Variants in PARD3B observed in about 807,000 individuals in gnomAD.
PARD3B encodes the protein partitioning defective 3 homolog B.
A neutral mutation model predicts 130.2 loss-of-function variants in PARD3B; 103 were observed. The observed-to-expected ratio is 0.79, with a 90% CI of 0.67 to 0.93. The LOEUF is 0.93. PARD3B is among the 40% of genes least tolerant of loss of function. The probability of loss-of-function intolerance (pLI) is 0.00; values close to 1 mark genes in which losing one functional copy is unlikely to be tolerated. For synonymous variants in PARD3B, 583 were observed against 553.2 expected, an observed-to-expected ratio of 1.05 and a Z score of -0.76; for missense variants, 1,609 against 1,499.2, an observed-to-expected ratio of 1.07 and a Z score of -1.21.
At chr2:204,909,779 GA>G (rs1303124193) in intron 2 of PARD3B, among the ~76,000 whole-genome samples, 1 of 152,126 alleles carries the variant, frequency 6.6e-6, no homozygotes, top group East Asian at 1.9e-4. Context: ...ATGGGTGATT[GA>G]CTTTTGAAAT....
At chr2:204,658,741 T>C (rs1003032865) in intron 1 of PARD3B, among the ~76,000 whole-genome samples, 1 of 152,316 alleles carries the variant, frequency 6.6e-6, no homozygotes. Context: ...TTCATTTCTA[T>C]TGTGTCAGCT....
chr2:204,795,049 A>G (rs1391275687), intron 2 of PARD3B, among the ~76,000 whole-genome samples: 1 of 152,262 alleles, frequency 6.6e-6, no homozygotes. Context: ...GAAAGTAGAT[A>G]GAAATATTCA....
chr2:205,207,644 T>C (rs959702865), intron 15 of PARD3B, among the ~76,000 whole-genome samples: 2 of 143,436 alleles, frequency 1.4e-5, no homozygotes, highest in Non-Finnish European at 3.0e-5. Context: ...CCTCGACACA[T>C]ACAATCTCCC....
chr2:204,814,049 G>T (rs2125529772), intron 2 of PARD3B, among the ~76,000 whole-genome samples: 1 of 152,098 alleles, frequency 6.6e-6, no homozygotes, highest in East Asian at 1.9e-4. Context: ...TCCAATTTAG[G>T]GAGAACTTGC....
At chr2:205,088,966 T>G (rs1701921773) in intron 4 of PARD3B, among the ~76,000 whole-genome samples, 1 of 149,828 alleles carries the variant, frequency 6.7e-6, no homozygotes, top group Non-Finnish European at 1.5e-5. Context: ...ACCCAGCTAA[T>G]TTGTTTTTGT....
intron 13 of PARD3B, among the ~76,000 whole-genome samples, chr2:205,185,241 A>G (rs896121466): frequency 3.3e-5 from 5 of 150,952 alleles, no homozygotes; most frequent in African/African-American, 1.2e-4. Flanking sequence ...AGATAGAAAA[A>G]AAGAGCGCAC....
chr2:205,541,273 T>G (rs1417110495), intron 21 of PARD3B, among the ~76,000 whole-genome samples: 1 of 152,124 alleles, frequency 6.6e-6, no homozygotes, highest in Non-Finnish European at 1.5e-5. Context: ...TGGGTTTTTT[T>G]CTCTTTCCCT....
chr2:205,505,355 C>T (rs548170966), intron 21 of PARD3B, among the ~76,000 whole-genome samples: 13 of 151,622 alleles, frequency 8.6e-5, no homozygotes, highest in Admixed American at 4.0e-4. Flanking sequence ...CAAACCTGCA[C>T]GCTGTGCACG....
rs190826377 is a variant in PARD3B at position 204,559,758 on chromosome 2, A to G, written c.120+13639A>G. Among the ~76,000 whole-genome samples the G allele has an allele frequency of 8.6e-3, 1,310 of 152,330 alleles. 22 individuals carry two copies. Among genetic ancestry groups the G allele is most frequent in the African/African-American group, 0.03 (1,247 of 41,574 alleles). On this transcript the variant is annotated intron_variant, in intron 1 of 22. Coordinates refer to ENST00000406610, the MANE Select transcript of PARD3B (RefSeq NM_001302769.2). ...GCACACATATGTTTATGGCAGCACTATTCACAATAGCAAAGACTTGCAACC... is the reference window on the plus strand; with the variant it reads ...GCACACATATGTTTATGGCAGCACTGTTCACAATAGCAAAGACTTGCAACC...
intron 1 of PARD3B, among the ~76,000 whole-genome samples, chr2:204,554,861 G>C (rs546204599): frequency 3.4e-4 from 52 of 152,312 alleles, no homozygotes; most frequent in African/African-American, 1.2e-3. Flanking sequence ...AGCCCTGCTT[G>C]CGAAGCGGGG....
chr2:204,730,648 T>G (rs1211706727), intron 2 of PARD3B, among the ~76,000 whole-genome samples: 1 of 151,100 alleles, frequency 6.6e-6, no homozygotes, highest in Non-Finnish European at 1.5e-5. Context: ...ATAGTGATAC[T>G]CTGAAAAGCT....
At chr2:205,296,373 A>G (rs1298484637) in intron 16 of PARD3B, among the ~76,000 whole-genome samples, 1 of 152,194 alleles carries the variant, frequency 6.6e-6, no homozygotes, top group Non-Finnish European at 1.5e-5. Context: ...GCTCAGCTGT[A>G]AGGCAAGGGC....
At chr2:205,378,757 G>A (rs1258723309) in intron 18 of PARD3B, among the ~76,000 whole-genome samples, 1 of 151,190 alleles carries the variant, frequency 6.6e-6, no homozygotes, top group Non-Finnish European at 1.5e-5. Context: ...TCAGCCTCCT[G>A]AGTATTTGGG....
chr2:205,553,327 C>A lies in PARD3B; in HGVS notation c.3184C>A (p.Pro1062Thr). 6.2e-7 allele frequency: 1 copy of A among 1,613,666 alleles called. No individual in the cohort carries two copies. Among genetic ancestry groups the A allele is most frequent in the Non-Finnish European group, 8.5e-7 (1 of 1,179,664 alleles). The change falls in exon 22 of 23, where the codon CCT becomes ACT. Residue 1062 changes from proline to threonine, a missense_variant. Physicochemically the swap from Pro to Thr is conservative, Grantham distance 38. Transcript: ENST00000406610. ...RPSEYDLLWV[P>T]GRGPDGNAHN... is the part of the protein sequence containing the mutation. ...CTAATTGCTTTTCTCTCCACAGGTG[C>A]CTGGAAGGGGTCCAGATGGGAATGC...
rs536403246 is a variant in PARD3B, at chr2:204,882,047, C to T, written c.223-83105C>T. ...ACAGTCGCCTTCTTACACATGTATGCTTCCTTTTTTCCTGTAGCAAGGGAT... is the reference window on the plus strand; with the variant it reads ...ACAGTCGCCTTCTTACACATGTATGTTTCCTTTTTTCCTGTAGCAAGGGAT... On this transcript the variant is annotated intron_variant, in intron 2 of 22. Coordinates refer to ENST00000406610, the MANE Select transcript of PARD3B (RefSeq NM_001302769.2). Among the ~76,000 whole-genome samples, 5 of 152,300 alleles carry T rather than the reference C, an allele frequency of 3.3e-5. No individual in the cohort carries two copies. The East Asian group carries it at 9.6e-4, about 29-fold the overall frequency.
chr2:205,570,804 C>T (rs1436330081), intron 22 of PARD3B, among the ~76,000 whole-genome samples: 1 of 152,198 alleles, frequency 6.6e-6, no homozygotes, highest in Non-Finnish European at 1.5e-5. Flanking sequence ...GGAAAAATAA[C>T]ATCCTGTTCT....
At chr2:204,617,244 C>G (rs1191412134) in intron 1 of PARD3B, among the ~76,000 whole-genome samples, 1 of 152,162 alleles carries the variant, frequency 6.6e-6, no homozygotes, top group Non-Finnish European at 1.5e-5. Flanking sequence ...ATCAGCTGGC[C>G]TCTCCTGATG....
At chr2:205,099,746 A>G (rs2125561193) in intron 4 of PARD3B, among the ~76,000 whole-genome samples, 1 of 152,316 alleles carries the variant, frequency 6.6e-6, no homozygotes, top group South Asian at 2.1e-4. Flanking sequence ...CCCCATCTTC[A>G]GAGAATATCA....
chr2:205,210,667 G>A (rs1345763408), intron 15 of PARD3B, among the ~76,000 whole-genome samples: 1 of 152,066 alleles, frequency 6.6e-6, no homozygotes, highest in Non-Finnish European at 1.5e-5. Context: ...TTGCCCTGCA[G>A]AAAAGCAGTT....
Sources: gnomAD v4.1 joint callset for allele counts (sites outside exome capture counted in the v4.1 genomes callset) on GRCh38, gnomAD v4.1.1 for gene constraint, MANE v1.5 for transcripts, NCBI Gene and HGNC (gene_info 2026-07-23, HGNC 2026-07-21) for gene names.